The following COL19A1 variants were observed in gnomAD, a reference collection of about 807,000 sequenced individuals.
The protein encoded by COL19A1 is collagen type XIX alpha 1 chain.
A neutral mutation model predicts 190.2 loss-of-function variants in COL19A1; 159 were observed. That is an observed-to-expected ratio of 0.84 (90% CI 0.73 to 0.95). The LOEUF (loss-of-function observed/expected upper bound fraction) is 0.95, where lower values mean the gene tolerates loss of function less well. Among genes scored for constraint, COL19A1 ranks in the 40% least tolerant of loss-of-function variants. The pLI is 0.00. For synonymous variants in COL19A1, 509 were observed against 458.9 expected (o/e 1.11, Z -1.39); for missense variants, 1,418 against 1,431.9 (o/e 0.99, Z 0.16).
At chr6:69,954,326 A>T (rs1176275517) in intron 9 of COL19A1, among the ~76,000 whole-genome samples, 1 of 151,968 alleles carries the variant, frequency 6.6e-6, no homozygotes, top group Non-Finnish European at 1.5e-5. Flanking sequence ...CTCATCTCTA[A>T]TCCCAGCAAC....
intron 10 of COL19A1, 143 bp downstream of exon 10, chr6:69,960,183 G>T (rs1774690899): frequency 1.3e-6 from 1 of 789,768 alleles, no homozygotes; most frequent in Non-Finnish European, 2.0e-6. Context: ...TTTTCAAAGA[G>T]AACTTGTGGA....
At chr6:69,878,981 GT>G (rs1489766374) in intron 1 of COL19A1, among the ~76,000 whole-genome samples, 1 of 152,198 alleles carries the variant, frequency 6.6e-6, no homozygotes, top group African/African-American at 2.4e-5. Context: ...CTTATATGAA[GT>G]ACCTAGATTA....
At chr6:69,981,345 G>A (rs1776021923) in intron 11 of COL19A1, among the ~76,000 whole-genome samples, 1 of 152,002 alleles carries the variant, frequency 6.6e-6, no homozygotes, top group Admixed American at 6.6e-5. Flanking sequence ...GGATTCTGCT[G>A]GGTAATCTAA....
chr6:70,120,272 T>C (rs929428396), intron 16 of COL19A1, among the ~76,000 whole-genome samples: 5 of 152,326 alleles, frequency 3.3e-5, no homozygotes, highest in African/African-American at 9.6e-5. Flanking sequence ...TTCTTTGATC[T>C]AATCAGCCTT....
chr6:70,061,359 T>G (rs766810593), intron 14 of COL19A1, among the ~76,000 whole-genome samples: 8 of 152,026 alleles, frequency 5.3e-5, no homozygotes, highest in Non-Finnish European at 1.0e-4. Flanking sequence ...TCATCAAGGA[T>G]TAAAAAAGAA....
chr6:69,995,575 C>G (rs773299670), intron 11 of COL19A1, among the ~76,000 whole-genome samples: 1 of 151,244 alleles, frequency 6.6e-6, no homozygotes, highest in Non-Finnish European at 1.5e-5. Context: ...CAAATCAAAG[C>G]AAAGACTATG....
At position 70,212,344 on chromosome 6, in the gene COL19A1, A is replaced by G. The variant is rs963057670; in HGVS notation, c.*5070A>G. ...ATATACTCATGTTAAGTGCAATGGC[A>G]TTAGTTTTATTCAAAATCCCACATG... is the stretch of plus-strand genomic sequence containing the variant. On this transcript the variant is annotated 3_prime_UTR_variant, in exon 51 of 51. Transcript: ENST00000620364. 1.7e-4 allele frequency among the ~76,000 whole-genome samples: 26 copies of G among 152,176 alleles called. No individual in the cohort carries two copies. Among genetic ancestry groups the G allele is most frequent in the Admixed American group, 4.6e-4 (7 of 15,274 alleles).
At chr6:69,957,619 G>T (rs1165599108) in intron 9 of COL19A1, among the ~76,000 whole-genome samples, 1 of 152,018 alleles carries the variant, frequency 6.6e-6, no homozygotes. Flanking sequence ...CATTTATTGT[G>T]ATTTTCTTTC....
intron 14 of COL19A1, among the ~76,000 whole-genome samples, chr6:70,067,704 G>A (rs573907132): frequency 6.6e-6 from 1 of 152,068 alleles, no homozygotes; most frequent in South Asian, 2.1e-4. Context: ...TTTAATGGTT[G>A]ATTAGGGAAG....
chr6:69,978,460 G>T (rs1337490315), intron 11 of COL19A1, among the ~76,000 whole-genome samples: 2 of 151,734 alleles, frequency 1.3e-5, no homozygotes, highest in Non-Finnish European at 2.9e-5. Context: ...GAATAATAAA[G>T]AAACCAATAC....
At chr6:70,170,563 A>AC (rs1765438406) in intron 40 of COL19A1, among the ~76,000 whole-genome samples, 2 of 10,396 alleles carry the variant, frequency 1.9e-4, no homozygotes, top group South Asian at 8.1e-3. Flanking sequence ...TGCTACTTTC[A>AC]ACAAATGTTG....
chr6:70,072,095 T>C (rs954006582), intron 15 of COL19A1, among the ~76,000 whole-genome samples: 1 of 152,098 alleles, frequency 6.6e-6, no homozygotes, highest in African/African-American at 2.4e-5. Flanking sequence ...CAGAGAAGTA[T>C]CTTTGTGAAA....
intron 4 of COL19A1, among the ~76,000 whole-genome samples, chr6:69,921,361 T>TATATATC (rs1561997653): frequency 1.9e-5 from 2 of 103,498 alleles, no homozygotes; most frequent in Non-Finnish European, 3.5e-5. Flanking sequence ...ATCATAATCA[T>TATATATC]ATATATCATA....
At chr6:70,163,655 G>T (rs1787959369) in intron 36 of COL19A1, among the ~76,000 whole-genome samples, 1 of 152,186 alleles carries the variant, frequency 6.6e-6, no homozygotes. Flanking sequence ...CAGAATCCTG[G>T]GCAACCATCT....
chr6:70,029,881 AC>A (rs1778946162), intron 12 of COL19A1, among the ~76,000 whole-genome samples: 1 of 152,204 alleles, frequency 6.6e-6, no homozygotes, highest in South Asian at 2.1e-4. Flanking sequence ...AAAAGTAAAA[AC>A]AACATTTATT....
At chr6:70,185,070 A>G (rs1453539756) in intron 46 of COL19A1, among the ~76,000 whole-genome samples, 155 bp downstream of exon 46, 2 of 152,240 alleles carry the variant, frequency 1.3e-5, no homozygotes, top group Non-Finnish European at 2.9e-5. Flanking sequence ...GACATTAAAT[A>G]TGACAACGGA....
At chr6:69,920,274 C>T (rs1771606545) in intron 4 of COL19A1, among the ~76,000 whole-genome samples, 1 of 152,172 alleles carries the variant, frequency 6.6e-6, no homozygotes, top group African/African-American at 2.4e-5. Flanking sequence ...TATAGTTAGT[C>T]ATTTTTAAGG....
intron 14 of COL19A1, among the ~76,000 whole-genome samples, chr6:70,042,718 A>G (rs1047667731): frequency 1.3e-4 from 20 of 152,220 alleles, no homozygotes; most frequent in Non-Finnish European, 2.9e-4. Context: ...TTGAAATTGG[A>G]GTCAATCCTC....
intron 44 of COL19A1, 137 bp downstream of exon 44, chr6:70,180,660 G>A: frequency 1.2e-6 from 1 of 838,406 alleles, no homozygotes; most frequent in Non-Finnish European, 1.9e-6. Flanking sequence ...ATGGATTTTT[G>A]ATGGCAAGGG....
Sources: gnomAD v4.1 joint callset for allele counts (sites outside exome capture counted in the v4.1 genomes callset) on GRCh38, gnomAD v4.1.1 for gene constraint, MANE v1.5 for transcripts, NCBI Gene and HGNC (gene_info 2026-07-23, HGNC 2026-07-21) for gene names.